MRTFB: variants seen among roughly 807,000 people sequenced by gnomAD.
MRTFB encodes myocardin related transcription factor B.
In MRTFB, 29 loss-of-function variants were observed where a neutral mutation model predicts 104.2. That is an observed-to-expected ratio of 0.28 (90% CI 0.21 to 0.38). The LOEUF (loss-of-function observed/expected upper bound fraction) is 0.38. Ranked by LOEUF, MRTFB falls within the 10% of genes least tolerant of loss-of-function variation. The pLI is 1.00. For missense variants in MRTFB, 1,270 were observed against 1,341.6 expected (o/e 0.95, Z 0.83); for synonymous variants, 535 against 519.5 (o/e 1.03, Z -0.41).
At chr16:14,245,157 G>T (rs953965491) in intron 10 of MRTFB, among the ~76,000 whole-genome samples, 8 of 152,100 alleles carry the variant, frequency 5.3e-5, no homozygotes, top group Middle Eastern at 3.2e-3. Flanking sequence ...TTCTGGATTT[G>T]CTGGGGCTCT....
chr16:14,093,554 C>T (rs8051619), intron 2 of MRTFB, among the ~76,000 whole-genome samples: 27,080 of 151,986 alleles, frequency 0.18, 3,815 homozygotes, highest in African/African-American at 0.38. Context: ...CATCTCAGCT[C>T]TTTAAATTAA....
At chr16:14,171,601 C>T (rs1016390255) in intron 3 of MRTFB, among the ~76,000 whole-genome samples, 1 of 152,174 alleles carries the variant, frequency 6.6e-6, no homozygotes, top group Admixed American at 6.5e-5. Context: ...TTCATTCCCA[C>T]ATCACTGGGT....
chr16:14,218,847 C>G lies in MRTFB; in HGVS notation c.542C>G (p.Thr181Ser), dbSNP rs1051953224. 1.2e-6 allele frequency: 2 copies of G among 1,612,220 alleles called. No homozygotes were observed. The highest frequency in any genetic ancestry group is 1.7e-6 in the Non-Finnish European group (2 of 1,178,988). The change falls in exon 8 of 17, where the codon ACT becomes AGT. Residue 181 changes from threonine (T) to serine (S), a missense_variant. Around this residue, in one of 3 missense-constraint regions of MRTFB, gnomAD observed 1,144 missense variants for 1,131.5 expected, o/e 1.01. Coordinates refer to ENST00000571589, the MANE Select transcript of MRTFB (RefSeq NM_001308142.2). Reference protein sequence around the residue: ...IGVGKEDYPHTQGDFSFDEDS... With the variant: ...IGVGKEDYPHSQGDFSFDEDS... The stretch of plus-strand genomic sequence containing the variant: ...GTTGGGAAGGAGGACTATCCCCACA[C>G]TCAGGGCGATTTCTCATTTGATGAA...
chr16:14,053,499 A>G, the MRTFB span, among the ~76,000 whole-genome samples: 2 of 151,992 alleles, frequency 1.3e-5, no homozygotes, highest in African/African-American at 2.4e-5. Context: ...TTGGGAGGCC[A>G]AGGCGGGCAT....
the MRTFB span, among the ~76,000 whole-genome samples, chr16:14,051,620 C>G: frequency 6.6e-6 from 1 of 151,982 alleles, no homozygotes; most frequent in East Asian, 1.9e-4. Flanking sequence ...CATTCACACA[C>G]ATAGATATAC....
At chr16:14,257,883 G>A (rs183377056) in intron 15 of MRTFB, among the ~76,000 whole-genome samples, 6 of 152,276 alleles carry the variant, frequency 3.9e-5, no homozygotes, top group African/African-American at 9.6e-5. Context: ...CATAGAAATC[G>A]GTGGAGCTGG....
intron 3 of MRTFB, among the ~76,000 whole-genome samples, chr16:14,201,944 G>A (rs990525558): frequency 2.0e-5 from 3 of 152,004 alleles, no homozygotes; most frequent in Admixed American, 6.6e-5. Context: ...AAATTCTGTC[G>A]TAGGTATTAT....
intron 3 of MRTFB, among the ~76,000 whole-genome samples, chr16:14,146,300 G>A (rs2038311092): frequency 6.6e-6 from 1 of 152,142 alleles, no homozygotes. Context: ...CTATGAAGTA[G>A]TCAGTGTGTT....
chr16:14,063,873 CT>C, the MRTFB span, among the ~76,000 whole-genome samples: 1 of 152,220 alleles, frequency 6.6e-6, no homozygotes, highest in African/African-American at 2.4e-5. Flanking sequence ...ATCCAGTATA[CT>C]GTTGATGTGC....
the MRTFB span, among the ~76,000 whole-genome samples, chr16:14,055,429 A>G: frequency 1.3e-5 from 2 of 152,252 alleles, no homozygotes; most frequent in Non-Finnish European, 2.9e-5. Flanking sequence ...AGATTTCACC[A>G]GGTTTTCCCT....
chr16:14,147,238 T>C (rs80197641), intron 3 of MRTFB, among the ~76,000 whole-genome samples: 3,945 of 152,318 alleles, frequency 0.026, 180 homozygotes, highest in African/African-American at 0.09. Flanking sequence ...TTTTAAAAAT[T>C]GGGCTTTGGG....
the MRTFB span, among the ~76,000 whole-genome samples, chr16:14,057,254 A>T: frequency 4.5e-3 from 684 of 152,194 alleles, 6 homozygotes; most frequent in African/African-American, 0.016. Context: ...GTTGTGTGTC[A>T]ACATATTTCC....
the MRTFB span, among the ~76,000 whole-genome samples, chr16:14,022,248 G>T: frequency 1.3e-5 from 2 of 152,146 alleles, no homozygotes; most frequent in Non-Finnish European, 2.9e-5. Flanking sequence ...GGAATAACAG[G>T]ATTTTTACCC....
chr16:14,181,494 A>G (rs1011655197), intron 3 of MRTFB, among the ~76,000 whole-genome samples: 25 of 152,216 alleles, frequency 1.6e-4, no homozygotes, highest in Non-Finnish European at 5.9e-5. Flanking sequence ...GTGAATAGCT[A>G]CTGAGGATCT....
At chr16:14,238,065 C>G (rs1471956949) in intron 9 of MRTFB, among the ~76,000 whole-genome samples, 2 of 152,098 alleles carry the variant, frequency 1.3e-5, no homozygotes, top group Non-Finnish European at 2.9e-5. Flanking sequence ...TGGTTCTCAG[C>G]AGGGGTAAGT....
chr16:14,131,744 T>C (rs573133693), intron 2 of MRTFB, among the ~76,000 whole-genome samples: 2 of 151,622 alleles, frequency 1.3e-5, no homozygotes, highest in South Asian at 4.2e-4. Context: ...CCACAATGAG[T>C]TACCACTTTA....
At chr16:14,087,110 C>T (rs973557578) in intron 2 of MRTFB, among the ~76,000 whole-genome samples, 2 of 152,126 alleles carry the variant, frequency 1.3e-5, no homozygotes, top group Non-Finnish European at 2.9e-5. Context: ...TACTTGTATG[C>T]AGTACAGAGA....
chr16:14,105,986 A>G (rs974621431), intron 2 of MRTFB, among the ~76,000 whole-genome samples: 2 of 152,220 alleles, frequency 1.3e-5, no homozygotes, highest in Admixed American at 1.3e-4. Context: ...GTTGAAAGTT[A>G]TGGTGTAGAT....
the MRTFB span, among the ~76,000 whole-genome samples, chr16:14,040,933 G>A: frequency 6.6e-6 from 1 of 152,128 alleles, no homozygotes; most frequent in African/African-American, 2.4e-5. Context: ...GGGCAAGATA[G>A]CAAGACCCCA....
Sources: allele counts gnomAD v4.1 joint callset (sites outside exome capture counted in the v4.1 genomes callset), GRCh38; gene constraint gnomAD v4.1.1; regional missense constraint gnomAD v4.1.1; transcripts MANE v1.5; gene names NCBI Gene and HGNC (gene_info 2026-07-23, HGNC 2026-07-21).